Variants in SLC9A7 observed in about 807,000 individuals in gnomAD.
SLC9A7 encodes the protein solute carrier family 9 member A7.
A neutral mutation model predicts 52.6 loss-of-function variants in SLC9A7; 19 were observed. That is an observed-to-expected ratio of 0.36 (90% CI 0.25 to 0.53). The LOEUF (loss-of-function observed/expected upper bound fraction) is 0.53. Ranked by LOEUF, SLC9A7 falls within the 20% of genes least tolerant of loss-of-function variation. SLC9A7 has a pLI of 0.91. For synonymous variants in SLC9A7, 226 were observed against 252.1 expected (o/e 0.90, Z 0.98); for missense variants, 455 against 597.9 (o/e 0.76, Z 2.49).
At chrX:46,627,163 A>C (rs1943143967) in intron 14 of SLC9A7, among the ~76,000 whole-genome samples, 1 of 110,632 alleles carries the variant, frequency 9.0e-6, no homozygotes, top group South Asian at 3.8e-4. Flanking sequence ...ATATTTTATA[A>C]ATTAGCTTGG....
chrX:46,705,301 A>G (rs767994943), intron 1 of SLC9A7, among the ~76,000 whole-genome samples: 2 of 112,493 alleles, frequency 1.8e-5, no homozygotes, highest in African/African-American at 6.5e-5. Context: ...TGGACTAAAA[A>G]GGGGTACAAT....
chrX:46,637,346 T>C (rs1943337334), intron 12 of SLC9A7, among the ~76,000 whole-genome samples: 1 of 112,254 alleles, frequency 8.9e-6, no homozygotes, highest in African/African-American at 3.2e-5. Flanking sequence ...AGGAGGCATA[T>C]TTAAGTTCTT....
At chrX:46,618,604 A>G (rs761277880) in intron 15 of SLC9A7, among the ~76,000 whole-genome samples, 8 of 112,223 alleles carry the variant, frequency 7.1e-5, no homozygotes, top group African/African-American at 1.6e-4. Context: ...ACTAACTAGG[A>G]GATCAATACA....
At chrX:46,664,653 C>T (rs905531734) in intron 5 of SLC9A7, among the ~76,000 whole-genome samples, 2 of 111,902 alleles carry the variant, frequency 1.8e-5, no homozygotes, top group African/African-American at 6.5e-5. Flanking sequence ...TTATAGTCAT[C>T]ATTTTCTTGC....
intron 1 of SLC9A7, among the ~76,000 whole-genome samples, chrX:46,695,287 T>C (rs1046352664): frequency 2.7e-5 from 3 of 112,700 alleles, no homozygotes; most frequent in African/African-American, 9.7e-5. Context: ...AGTACTAGTG[T>C]TCCATACTTT....
At chrX:46,631,491 T>C in intron 14 of SLC9A7, 95 bp downstream of exon 14, 1 of 672,364 alleles carries the variant, frequency 1.5e-6, no homozygotes. Context: ...ATAAGGCTGT[T>C]GTCAGGATCA....
intron 1 of SLC9A7, among the ~76,000 whole-genome samples, chrX:46,712,975 C>T (rs759641942): frequency 8.9e-6 from 1 of 112,197 alleles, no homozygotes; most frequent in African/African-American, 3.2e-5. Flanking sequence ...TCCTCCTAGA[C>T]TTTTTGTTAT....
chrX:46,643,031 T>A (rs1943430525), intron 12 of SLC9A7, among the ~76,000 whole-genome samples: 1 of 112,234 alleles, frequency 8.9e-6, no homozygotes, highest in South Asian at 3.7e-4. Flanking sequence ...AAATTTTTAA[T>A]GACTACATTT....
intron 15 of SLC9A7, among the ~76,000 whole-genome samples, chrX:46,617,449 C>T (rs1942971882): frequency 9.0e-6 from 1 of 111,313 alleles, no homozygotes; most frequent in Non-Finnish European, 1.9e-5. Context: ...GAGTGACTCT[C>T]AAGAGAAAAA....
At chrX:46,674,452 CA>C (rs1944077460) in intron 3 of SLC9A7, among the ~76,000 whole-genome samples, 2 of 111,920 alleles carry the variant, frequency 1.8e-5, no homozygotes, top group African/African-American at 6.5e-5. Context: ...AGTGTTTTCA[CA>C]TATATTAGCC....
intron 1 of SLC9A7, among the ~76,000 whole-genome samples, chrX:46,688,954 T>C (rs1944340330): frequency 9.0e-6 from 1 of 111,306 alleles, no homozygotes; most frequent in African/African-American, 3.3e-5. Flanking sequence ...TTCCTTTCTT[T>C]TTTAAAATTT....
At chrX:46,623,263 G>A (rs938603909) in intron 14 of SLC9A7, among the ~76,000 whole-genome samples, 3 of 111,767 alleles carry the variant, frequency 2.7e-5, no homozygotes, top group South Asian at 3.7e-4. Context: ...GGGAACAGGC[G>A]GAGCCTCCTT....
chrX:46,615,187 C>T (rs773107619), intron 15 of SLC9A7, among the ~76,000 whole-genome samples: 1 of 111,915 alleles, frequency 8.9e-6, no homozygotes, highest in Non-Finnish European at 1.9e-5. Context: ...GGACTACAGA[C>T]GCGTGCCACC....
At chrX:46,615,861 T>C (rs983634758) in intron 15 of SLC9A7, among the ~76,000 whole-genome samples, 1 of 110,441 alleles carries the variant, frequency 9.1e-6, no homozygotes, top group African/African-American at 3.3e-5. Flanking sequence ...CTAGTAAGGA[T>C]GGTACGTTTA....
chrX:46,609,973 G>A (rs1272507339), intron 16 of SLC9A7, among the ~76,000 whole-genome samples: 1 of 111,666 alleles, frequency 9.0e-6, no homozygotes, highest in Non-Finnish European at 1.9e-5. Flanking sequence ...GGTTGCAGTG[G>A]GTCAAGATGA....
intron 1 of SLC9A7, among the ~76,000 whole-genome samples, chrX:46,715,212 GTATT>G (rs1944751487): frequency 9.0e-6 from 1 of 111,715 alleles, no homozygotes; most frequent in Non-Finnish European, 1.9e-5. Context: ...AATTTTTAAA[GTATT>G]TATTTATATC....
intron 11 of SLC9A7, among the ~76,000 whole-genome samples, chrX:46,645,342 T>A (rs2146762464): frequency 8.9e-6 from 1 of 112,235 alleles, no homozygotes; most frequent in African/African-American, 3.2e-5. Flanking sequence ...CTGCTGCTCT[T>A]GAGTGAAGCT....
chrX:46,674,748 C>T lies in SLC9A7; in HGVS notation c.604-2121G>A, dbSNP rs192592941. Reference sequence around the variant, plus strand: ...ATCCCACCCTTATTTGGTTACAATACAGCCATGACTAGTTCAGAATCTCCC... The same window carrying T: ...ATCCCACCCTTATTTGGTTACAATATAGCCATGACTAGTTCAGAATCTCCC... On this transcript the variant is annotated intron_variant, in intron 3 of 16. Coordinates refer to ENST00000616978, the MANE Select transcript of SLC9A7 (RefSeq NM_001257291.2). Among the ~76,000 whole-genome samples the T allele has an allele frequency of 4.5e-5, 5 of 112,022 alleles. No homozygotes were observed. In the East Asian group the frequency reaches 1.4e-3, roughly 31 times the overall value.
intron 14 of SLC9A7, among the ~76,000 whole-genome samples, chrX:46,625,308 T>C (rs1943107926): frequency 9.1e-6 from 1 of 109,795 alleles, no homozygotes; most frequent in Admixed American, 9.7e-5. Context: ...CCACCAAAGC[T>C]TTCTACAGCC....
Sources: allele counts gnomAD v4.1 joint callset (sites outside exome capture counted in the v4.1 genomes callset), GRCh38; gene constraint gnomAD v4.1.1; transcripts MANE v1.5; gene names NCBI Gene and HGNC (gene_info 2026-07-23, HGNC 2026-07-21).